Variants in UGT1A8 observed in about 807,000 individuals in gnomAD.
UGT1A8 encodes the protein UDP glucuronosyltransferase family 1 member A8, also known as UDP-glucuronosyltransferase 1A8.
UGT1A8 carries 39 observed loss-of-function variants against 45.3 expected under a neutral mutation model. The observed-to-expected ratio is 0.86, with a 90% CI of 0.67 to 1.12. The LOEUF (loss-of-function observed/expected upper bound fraction) is 1.12. Among genes scored for constraint, UGT1A8 ranks in the 50% most tolerant of loss-of-function variants. UGT1A8 has a pLI of 0.00. For synonymous variants in UGT1A8, 275 were observed against 249.2 expected (o/e 1.10, Z -0.97); for missense variants, 719 against 664.9 (o/e 1.08, Z -0.90).
intron 1 of UGT1A8, chr2:233,760,840 C>T: frequency 6.2e-7 from 1 of 1,613,860 alleles, no homozygotes; most frequent in Non-Finnish European, 8.5e-7. Context: ...TGAGGCTACC[C>T]AGTGCCCCAA....
intron 1 of UGT1A8, among the ~76,000 whole-genome samples, chr2:233,718,521 C>T (rs879860533): frequency 7.2e-5 from 11 of 152,180 alleles, no homozygotes; most frequent in Non-Finnish European, 1.5e-4. Flanking sequence ...AATGGGTGTC[C>T]ACAGCCTTGT....
chr2:233,704,977 A>G (rs1323629686), intron 1 of UGT1A8, among the ~76,000 whole-genome samples: 2 of 152,082 alleles, frequency 1.3e-5, no homozygotes, highest in Non-Finnish European at 1.5e-5. Context: ...CTCTACTTAA[A>G]ATACAGAAAT....
At chr2:233,666,756 G>A (rs958405148) in intron 1 of UGT1A8, among the ~76,000 whole-genome samples, 4 of 151,488 alleles carry the variant, frequency 2.6e-5, no homozygotes, top group East Asian at 1.9e-4. Context: ...CCATTAACTC[G>A]TCATTTAACC....
chr2:233,772,427 C>T lies in UGT1A8; in HGVS notation c.1461C>T (p.Asp487=), dbSNP rs114123636. ...CCTGGTACCAGTACCATTCCTTGGA[C>T]GTGATTGGTTTCCTCTTGGCCGTCG... ...DLTWYQYHSL[D]VIGFLLAVVL... is the part of the protein sequence containing the mutation. The change falls in exon 5 of 5, where the codon GAC becomes GAT. Residue 487 remains aspartate, a synonymous_variant. Coordinates refer to ENST00000373450, the MANE Select transcript of UGT1A8 (RefSeq NM_019076.5). The T allele has an allele frequency of 1.1e-4, 177 of 1,614,220 alleles. No homozygotes were observed. The highest frequency in any genetic ancestry group is 8.7e-4 in the East Asian group (39 of 44,876).
chr2:233,708,891 G>A (rs1366135571), intron 1 of UGT1A8, among the ~76,000 whole-genome samples: 1 of 151,994 alleles, frequency 6.6e-6, no homozygotes, highest in African/African-American at 2.4e-5. Flanking sequence ...AACAATCTCA[G>A]GGGCTATCTG....
chr2:233,673,099 A>G (rs1184826420), intron 1 of UGT1A8, among the ~76,000 whole-genome samples: 2 of 152,192 alleles, frequency 1.3e-5, no homozygotes, highest in Non-Finnish European at 2.9e-5. Context: ...TTAATTCTAT[A>G]TGCCCGCCCC....
chr2:233,628,627 G>T (rs2073133469), intron 1 of UGT1A8, among the ~76,000 whole-genome samples: 1 of 151,894 alleles, frequency 6.6e-6, no homozygotes, highest in Non-Finnish European at 1.5e-5. Context: ...GACTGCACTG[G>T]CTGGAACCTG....
chr2:233,625,499 C>T (rs1559313172), intron 1 of UGT1A8, among the ~76,000 whole-genome samples: 1 of 152,058 alleles, frequency 6.6e-6, no homozygotes, highest in Non-Finnish European at 1.5e-5. Context: ...CTGGTATGTT[C>T]ATTGCAGCTC....
chr2:233,672,762 C>T, intron 1 of UGT1A8: 1 of 1,613,872 alleles, frequency 6.2e-7, no homozygotes, highest in Non-Finnish European at 8.5e-7. Flanking sequence ...GTGGTATCAA[C>T]TGCCATCAGG....
intron 1 of UGT1A8, among the ~76,000 whole-genome samples, chr2:233,712,043 A>G (rs1015594398): frequency 2.6e-5 from 4 of 152,248 alleles, no homozygotes; most frequent in Non-Finnish European, 5.9e-5. Flanking sequence ...TTGACTTGGA[A>G]AAAAGCCTGA....
Position 233,678,025 on chromosome 2 carries a change from G to T in UGT1A8, c.855+59463G>T, listed in dbSNP as rs4663877. The stretch of plus-strand genomic sequence containing the variant: ...AAATCATGTCCTTTGTAACAACATG[G>T]ATGCAGCTGGAGGTCATTACCCTAA... On this transcript the variant is annotated intron_variant, in intron 1 of 4. Transcript: ENST00000373450. 2.6e-5 allele frequency among the ~76,000 whole-genome samples: 4 copies of T among 152,136 alleles called. No individual in the cohort carries two copies. In the South Asian group the frequency reaches 8.3e-4, roughly 32 times the overall value.
At position 233,701,798 on chromosome 2, in the gene UGT1A8, A is replaced by T. The variant is rs1186220226; in HGVS notation, c.856-65236A>T. Among the ~76,000 whole-genome samples, 3 of 152,228 alleles carry T rather than the reference A, an allele frequency of 2.0e-5. No homozygotes were observed. In the East Asian group the frequency reaches 5.8e-4, roughly 29 times the overall value. ...ATAAAGGTGTTCTTTGAAATCAACG[A>T]GAACAAAGACACAACATACCAGAAT... On this transcript the variant is annotated intron_variant, in intron 1 of 4. Transcript: ENST00000373450.
chr2:233,743,929 G>A (rs1692592550), intron 1 of UGT1A8: 10 of 1,360,304 alleles, frequency 7.4e-6, no homozygotes, highest in Non-Finnish European at 9.8e-6. Flanking sequence ...TGGATGGCCA[G>A]AACGGCCCAC....
chr2:233,672,739 A>G lies in UGT1A8; in HGVS notation c.855+54177A>G, dbSNP rs138512716. ...CTATCCCAAACCCGTGATGCCCAACATGATCTTCATTGGTGGTATCAACTG... is the reference window on the plus strand; with the variant it reads ...CTATCCCAAACCCGTGATGCCCAACGTGATCTTCATTGGTGGTATCAACTG... On this transcript the variant is annotated intron_variant, in intron 1 of 4. Transcript: ENST00000373450. 4 of 1,613,838 alleles carry G rather than the reference A, an allele frequency of 2.5e-6. No individual in the cohort carries two copies. In the Admixed American group the frequency reaches 5.0e-5, roughly 20 times the overall value.
chr2:233,642,398 C>T (rs2073475487), intron 1 of UGT1A8, among the ~76,000 whole-genome samples: 1 of 152,196 alleles, frequency 6.6e-6, no homozygotes, highest in South Asian at 2.1e-4. Context: ...AATTTATATG[C>T]TGGAATTCTG....
rs191471887 is a variant in UGT1A8, at chr2:233,760,476, C to T, written c.856-6558C>T. 6.3e-5 allele frequency: 102 copies of T among 1,614,200 alleles called. 1 individual carries two copies. In the East Asian group the frequency reaches 1.9e-3, roughly 30 times the overall value. On this transcript the variant is annotated intron_variant, in intron 1 of 4. Transcript: ENST00000373450. ...ATGAAATAGTTGTCCTAGCACCTGA[C>T]GCCTCGTTGTACATCAGAGACGGAG...
chr2:233,756,018 C>T (rs900872393), intron 1 of UGT1A8: 6 of 152,198 alleles, frequency 3.9e-5, no homozygotes, highest in African/African-American at 1.4e-4. Context: ...TGTGATATTA[C>T]ACATCCCCCA....
In UGT1A8 at chr2:233,682,392, C is replaced by A. The variant is rs750575288; in HGVS notation, c.855+63830C>A. Reference sequence around the variant, plus strand: ...GCAGTGTTTCTCGATCCTTTTGATGCCTGTGGCTTAATTGTTGCCAAATAT... The same window carrying A: ...GCAGTGTTTCTCGATCCTTTTGATGACTGTGGCTTAATTGTTGCCAAATAT... On this transcript the variant is annotated intron_variant, in intron 1 of 4. Coordinates refer to ENST00000373450, the MANE Select transcript of UGT1A8 (RefSeq NM_019076.5). 7 of 1,613,732 alleles carry A rather than the reference C, an allele frequency of 4.3e-6. No individual in the cohort carries two copies. The highest frequency in any genetic ancestry group is 2.7e-5 in the African/African-American group (2 of 74,862).
intron 1 of UGT1A8, among the ~76,000 whole-genome samples, chr2:233,621,889 C>A (rs1306445533): frequency 6.6e-6 from 1 of 152,112 alleles, no homozygotes; most frequent in Non-Finnish European, 1.5e-5. Context: ...CAGCCCCCCA[C>A]CCCATGACAG....
Sources: gnomAD v4.1 joint callset for allele counts (sites outside exome capture counted in the v4.1 genomes callset) on GRCh38, gnomAD v4.1.1 for gene constraint, MANE v1.5 for transcripts, NCBI Gene and HGNC (gene_info 2026-07-23, HGNC 2026-07-21) for gene names.